The following CADM2 variants were observed in gnomAD, a reference collection of about 807,000 sequenced individuals.
CADM2 encodes immunoglobulin superfamily member 4D.
A neutral mutation model predicts 49.8 loss-of-function variants in CADM2; 12 were observed. That is an observed-to-expected ratio of 0.24 (90% confidence interval 0.15 to 0.39). The LOEUF is 0.39. Among genes scored for constraint, CADM2 ranks in the 10% least tolerant of loss-of-function variants. The pLI, the probability that CADM2 is intolerant of heterozygous loss-of-function variation, is 1.00. For synonymous variants in CADM2, 214 were observed against 175.4 expected (o/e 1.22, Z -1.74); for missense variants, 378 against 492.3 (o/e 0.77, Z 2.20).
At chr3:85,490,391 CA>C (rs148385324) in intron 1 of CADM2, among the ~76,000 whole-genome samples, 30,042 of 144,232 alleles carry the variant, frequency 0.21, 3,730 homozygotes, top group East Asian at 0.31. Context: ...TTTCATGAGT[CA>C]AAAAAAAAAA....
chr3:84,965,452 T>C (rs1382148312), intron 1 of CADM2, among the ~76,000 whole-genome samples: 1 of 152,178 alleles, frequency 6.6e-6, no homozygotes, highest in Non-Finnish European at 1.5e-5. Flanking sequence ...TAACCAGAAA[T>C]GATCCAGAGT....
intron 2 of CADM2, among the ~76,000 whole-genome samples, chr3:85,749,424 T>C (rs1462932737): frequency 6.6e-6 from 1 of 152,032 alleles, no homozygotes; most frequent in East Asian, 1.9e-4. Flanking sequence ...TTTCACAGCA[T>C]AACCCATTTT....
At chr3:85,955,178 C>T (rs1418699834) in intron 7 of CADM2, among the ~76,000 whole-genome samples, 1 of 150,160 alleles carries the variant, frequency 6.7e-6, no homozygotes, top group African/African-American at 2.5e-5. Flanking sequence ...TTGAATGTGA[C>T]ATTTTTTTCA....
chr3:85,704,848 T>A (rs1361380519), intron 1 of CADM2, among the ~76,000 whole-genome samples: 2 of 150,654 alleles, frequency 1.3e-5, no homozygotes, highest in Admixed American at 1.3e-4. Flanking sequence ...TTCTCTTTAT[T>A]TATTTATTAT....
In CADM2 at chr3:86,072,320, A is replaced by G. The variant is rs1305859194; in HGVS notation, c.*5537A>G. 6.6e-6 allele frequency: 1 copy of G among 151,662 alleles called. No homozygotes were observed. The allele number at this position is 151,662 out of a possible 1,614,324, so 9.4% of individuals were successfully genotyped here. On this transcript the variant is annotated 3_prime_UTR_variant, in exon 10 of 10. Transcript: ENST00000383699. Reference sequence around the variant, plus strand: ...TCAAGAAGTTATATATATATAACTCAAGAAACTCAAGTTATATATATATGT... The same window carrying G: ...TCAAGAAGTTATATATATATAACTCGAGAAACTCAAGTTATATATATATGT...
chr3:85,223,918 C>A (rs1050610124), intron 1 of CADM2, among the ~76,000 whole-genome samples: 14 of 152,116 alleles, frequency 9.2e-5, no homozygotes, highest in African/African-American at 3.1e-4. Context: ...CATGTCCCTG[C>A]AAAGGACATG....
At position 85,338,267 on chromosome 3, in the gene CADM2, C is replaced by T. The variant is rs368416043; in HGVS notation, c.61+378599C>T. Among the ~76,000 whole-genome samples, 67 of 151,654 alleles carry T rather than the reference C, an allele frequency of 4.4e-4. No individual in the cohort carries two copies. In the East Asian group the frequency reaches 7.4e-3, roughly 17 times the overall value. On this transcript the variant is annotated intron_variant, in intron 1 of 9. Transcript: ENST00000383699. ...CACAGGCAGAGTCTAGTGCTCAATA[C>T]ACACAAAAAAATTTATTAGATACAT...
At chr3:85,758,159 C>T (rs141586435) in intron 2 of CADM2, among the ~76,000 whole-genome samples, 2 of 152,140 alleles carry the variant, frequency 1.3e-5, no homozygotes, top group Non-Finnish European at 2.9e-5. Context: ...TAAATTAGCA[C>T]CAGGTTGGTA....
At chr3:85,606,583 C>A (rs1576918690) in intron 1 of CADM2, among the ~76,000 whole-genome samples, 2 of 152,008 alleles carry the variant, frequency 1.3e-5, no homozygotes, top group Non-Finnish European at 2.9e-5. Context: ...GGGCAAAGTG[C>A]CTTAAAAATA....
chr3:85,871,706 G>GTCATCA (rs149315637), intron 3 of CADM2, among the ~76,000 whole-genome samples: 1 of 151,856 alleles, frequency 6.6e-6, no homozygotes, highest in Non-Finnish European at 1.5e-5. Context: ...CTCTATCGTT[G>GTCATCA]TCATCATCAT....
At chr3:85,127,218 A>G (rs2039067105) in intron 1 of CADM2, among the ~76,000 whole-genome samples, 1 of 152,212 alleles carries the variant, frequency 6.6e-6, no homozygotes, top group Admixed American at 6.5e-5. Context: ...AAACATATCT[A>G]CCAAAATATA....
intron 1 of CADM2, among the ~76,000 whole-genome samples, chr3:85,624,694 T>G (rs1042185749): frequency 5.3e-5 from 8 of 152,130 alleles, no homozygotes; most frequent in African/African-American, 1.9e-4. Context: ...ATTTTAGGAA[T>G]TTTTAGAAGG....
At chr3:85,659,645 C>T (rs2065337893) in intron 1 of CADM2, among the ~76,000 whole-genome samples, 1 of 152,058 alleles carries the variant, frequency 6.6e-6, no homozygotes, top group African/African-American at 2.4e-5. Context: ...TTTATTTTTA[C>T]TAATAATTTC....
intron 1 of CADM2, among the ~76,000 whole-genome samples, chr3:85,672,551 T>G (rs2107637275): frequency 6.6e-6 from 1 of 152,252 alleles, no homozygotes; most frequent in Non-Finnish European, 1.5e-5. Context: ...TATTTAAATA[T>G]TTATATTTCT....
At chr3:85,717,283 T>G (rs1444401399) in intron 1 of CADM2, among the ~76,000 whole-genome samples, 1 of 152,172 alleles carries the variant, frequency 6.6e-6, no homozygotes, top group African/African-American at 2.4e-5. Flanking sequence ...TGCTCATGAT[T>G]TGGCTCTCTG....
In CADM2 at chr3:84,959,348, A is replaced by G; in HGVS notation, c.-260A>G. ...CAAGCTCCAAACCCCTGCCTGGAAGACGGGCTGTCGCGGCTGCACCACCAG... is the reference window on the plus strand; with the variant it reads ...CAAGCTCCAAACCCCTGCCTGGAAGGCGGGCTGTCGCGGCTGCACCACCAG... On this transcript the variant is annotated 5_prime_UTR_variant, in exon 1 of 10. Coordinates refer to ENST00000383699, the MANE Select transcript of CADM2 (RefSeq NM_001167675.2). 1.8e-6 allele frequency: 1 copy of G among 561,348 alleles called. No individual in the cohort carries two copies. The highest frequency in any genetic ancestry group is 3.3e-5 in the Admixed American group (1 of 30,612). The allele number at this position is 561,348 out of a possible 1,614,324, so 34.8% of individuals were successfully genotyped here. A position where few individuals can be genotyped will look rare whatever the true frequency, so the allele number is the denominator to read the frequency against.
At chr3:85,506,746 C>T (rs945625789) in intron 1 of CADM2, among the ~76,000 whole-genome samples, 1 of 151,994 alleles carries the variant, frequency 6.6e-6, no homozygotes, top group Non-Finnish European at 1.5e-5. Context: ...TTTTTGGATT[C>T]ATGTTAATTC....
intron 1 of CADM2, among the ~76,000 whole-genome samples, chr3:85,375,486 A>G (rs1297854321): frequency 2.0e-5 from 3 of 152,200 alleles, no homozygotes; most frequent in East Asian, 1.9e-4. Flanking sequence ...TGAAATTTTG[A>G]TGCAGTAATT....
At chr3:85,400,484 T>C (rs9869121) in intron 1 of CADM2, among the ~76,000 whole-genome samples, 131,132 of 151,792 alleles carry the variant, frequency 0.86, 56,786 homozygotes, top group East Asian at 0.95. Flanking sequence ...AGGGAGCATT[T>C]CCTCTTTTTC....
Sources: gnomAD v4.1 joint callset for allele counts (sites outside exome capture counted in the v4.1 genomes callset) on GRCh38, gnomAD v4.1.1 for gene constraint, MANE v1.5 for transcripts, NCBI Gene and HGNC (gene_info 2026-07-23, HGNC 2026-07-21) for gene names.